The following ATP2B2 variants were observed in gnomAD, a reference collection of about 807,000 sequenced individuals.
ATP2B2 encodes plasma membrane calcium-transporting ATPase 2.
In ATP2B2, 15 loss-of-function variants were observed where a neutral mutation model predicts 120.0. That is an observed-to-expected ratio of 0.12 (90% CI 0.08 to 0.19). The LOEUF is 0.19. Among genes scored for constraint, ATP2B2 ranks in the 10% least tolerant of loss-of-function variants. ATP2B2 has a pLI of 1.00. For synonymous variants in ATP2B2, 694 were observed against 700.3 expected (o/e 0.99, Z 0.14); for missense variants, 1,045 against 1,719.8 (o/e 0.61, Z 6.94).
intron 1 of ATP2B2, among the ~76,000 whole-genome samples, chr3:10,683,763 T>C (rs113845501): frequency 7.0e-5 from 2 of 28,468 alleles, no homozygotes; most frequent in Non-Finnish European, 1.5e-4. Flanking sequence ...TGTGTGTGTA[T>C]ATATATATAT....
chr3:10,663,599 C>T (rs1362148266), intron 1 of ATP2B2, among the ~76,000 whole-genome samples: 1 of 152,118 alleles, frequency 6.6e-6, no homozygotes, highest in African/African-American at 2.4e-5. Context: ...TGGTTCTCTG[C>T]AGGTACTGCC....
intron 1 of ATP2B2, among the ~76,000 whole-genome samples, chr3:10,662,591 A>C (rs2070815233): frequency 6.6e-6 from 1 of 150,506 alleles, no homozygotes. Flanking sequence ...GTCAGGAAAC[A>C]ACAGGTGCTG....
intron 2 of ATP2B2, among the ~76,000 whole-genome samples, chr3:10,582,644 G>T (rs575848712): frequency 6.6e-6 from 1 of 152,376 alleles, no homozygotes; most frequent in East Asian, 1.9e-4. Context: ...GCTGAGAATG[G>T]AATGAGAGGG....
At chr3:10,385,449 C>T (rs536599635) in intron 7 of ATP2B2, 122 bp from the exon 8 acceptor site, 9 of 824,534 alleles carry the variant, frequency 1.1e-5, no homozygotes, top group Admixed American at 2.2e-5. Flanking sequence ...AAAAATTATC[C>T]TTTGGAAACC....
At chr3:10,381,474 T>C (rs2061529209) in intron 8 of ATP2B2, among the ~76,000 whole-genome samples, 1 of 152,252 alleles carries the variant, frequency 6.6e-6, no homozygotes, top group Non-Finnish European at 1.5e-5. Context: ...TAAGCCCAGC[T>C]AGCACTTTCC....
Position 10,675,120 on chromosome 3 carries a change from G to T in ATP2B2, c.-460+32795C>A, listed in dbSNP as rs1234095671. Among the ~76,000 whole-genome samples, 5 of 152,258 alleles carry T rather than the reference G, an allele frequency of 3.3e-5. No individual in the cohort carries two copies. In the East Asian group the frequency reaches 9.6e-4, roughly 29 times the overall value. On this transcript the variant is annotated intron_variant, in intron 1 of 21. Transcript: ENST00000646379. ...GAACTCTACATAGGCGATGTGGGAA[G>T]TGGGATTTGCTTGTAGTAAACATTT...
chr3:10,631,928 T>TGAAC (rs1480672744), intron 1 of ATP2B2, among the ~76,000 whole-genome samples: 3 of 152,208 alleles, frequency 2.0e-5, no homozygotes, highest in African/African-American at 7.2e-5. Flanking sequence ...CTACCAAAGA[T>TGAAC]GAACTATTGT....
chr3:10,699,936 G>A (rs770738583), intron 1 of ATP2B2, among the ~76,000 whole-genome samples: 21 of 152,038 alleles, frequency 1.4e-4, no homozygotes, highest in Admixed American at 2.6e-4. Context: ...AACTGTGAAC[G>A]CATACATTTC....
intron 3 of ATP2B2, among the ~76,000 whole-genome samples, chr3:10,512,993 A>G (rs967761646): frequency 3.3e-5 from 5 of 152,204 alleles, no homozygotes; most frequent in African/African-American, 1.2e-4. Flanking sequence ...TTTATTTCAC[A>G]AATACCCATT....
chr3:10,394,341 A>G, intron 5 of ATP2B2: 1 of 441,212 alleles, frequency 2.3e-6, no homozygotes, highest in Non-Finnish European at 4.7e-6. Flanking sequence ...ACGAGGCAGT[A>G]GGCAAAGTGT....
At chr3:10,622,903 A>G (rs896058303) in intron 1 of ATP2B2, among the ~76,000 whole-genome samples, 3 of 152,160 alleles carry the variant, frequency 2.0e-5, no homozygotes, top group Non-Finnish European at 4.4e-5. Flanking sequence ...TTCCTGGCCC[A>G]TGTTCTTGAG....
chr3:10,466,532 T>C (rs2064750956), intron 1 of ATP2B2, among the ~76,000 whole-genome samples: 1 of 152,114 alleles, frequency 6.6e-6, no homozygotes, highest in Non-Finnish European at 1.5e-5. Context: ...TGTCTCAGTT[T>C]GGAAGGTGGA....
chr3:10,481,589 C>T (rs650288), intron 1 of ATP2B2, among the ~76,000 whole-genome samples: 71,451 of 151,948 alleles, frequency 0.47, 18,099 homozygotes, highest in Non-Finnish European at 0.57. Flanking sequence ...AGTCTCGCTC[C>T]GTTACCTAGG....
At chr3:10,574,399 C>A (rs2068196636) in intron 2 of ATP2B2, among the ~76,000 whole-genome samples, 1 of 152,186 alleles carries the variant, frequency 6.6e-6, no homozygotes, top group African/African-American at 2.4e-5. Context: ...TTCCCTAGAG[C>A]AGAATCATCT....
chr3:10,416,302 C>T (rs989330689), intron 2 of ATP2B2, among the ~76,000 whole-genome samples: 1 of 151,472 alleles, frequency 6.6e-6, no homozygotes, highest in Non-Finnish European at 1.5e-5. Context: ...TCCAGCTGTC[C>T]TGGATACAAA....
chr3:10,655,337 C>T (rs1425225046), intron 1 of ATP2B2, among the ~76,000 whole-genome samples: 1 of 99,168 alleles, frequency 1.0e-5, no homozygotes, highest in Non-Finnish European at 1.7e-5. Context: ...GCACCAAGAA[C>T]AGCAGCTTGG....
At chr3:10,597,513 C>T (rs371099399) in intron 2 of ATP2B2, among the ~76,000 whole-genome samples, 6 of 152,160 alleles carry the variant, frequency 3.9e-5, no homozygotes, top group African/African-American at 1.4e-4. Flanking sequence ...GAGGAAACCA[C>T]GAGCAGAGCT....
At chr3:10,331,874 C>T (rs1364782914) in intron 22 of ATP2B2, 6 of 1,099,514 alleles carry the variant, frequency 5.5e-6, no homozygotes, top group Non-Finnish European at 7.9e-6. Flanking sequence ...CGCACAGGCC[C>T]TGGTCTGAGA....
chr3:10,532,472 C>A (rs1247386982), intron 3 of ATP2B2, among the ~76,000 whole-genome samples: 1 of 152,182 alleles, frequency 6.6e-6, no homozygotes, highest in African/African-American at 2.4e-5. Context: ...CCTTTGTCAA[C>A]CCATTTCAGG....
Sources: gnomAD v4.1 joint callset for allele counts (sites outside exome capture counted in the v4.1 genomes callset) on GRCh38, gnomAD v4.1.1 for gene constraint, MANE v1.5 for transcripts, NCBI Gene and HGNC (gene_info 2026-07-23, HGNC 2026-07-21) for gene names.